Variants in PLEKHH2 observed in about 807,000 individuals in gnomAD.
PLEKHH2 encodes the protein pleckstrin homology, MyTH4 and FERM domain containing H2.
Under a neutral mutation model 187.9 loss-of-function variants are expected in PLEKHH2, and 129 were observed. The observed-to-expected ratio is 0.69, with a 90% confidence interval of 0.59 to 0.79. The LOEUF (loss-of-function observed/expected upper bound fraction) is 0.79, where lower values mean the gene tolerates loss of function less well. PLEKHH2 is among the 30% of genes least tolerant of loss of function. PLEKHH2 has a pLI of 0.00. For synonymous variants in PLEKHH2, 686 were observed against 605.6 expected, an observed-to-expected ratio of 1.13 and a Z score of -1.95; for missense variants, 2,076 against 1,751.2, an observed-to-expected ratio of 1.19 and a Z score of -3.31.
chr2:43,718,654 A>G (rs910798807), intron 15 of PLEKHH2, among the ~76,000 whole-genome samples: 3 of 152,142 alleles, frequency 2.0e-5, no homozygotes, highest in African/African-American at 7.2e-5. Context: ...GAAGGCATAC[A>G]TTGTTCTCTT....
intron 3 of PLEKHH2, chr2:43,681,094 C>A: frequency 9.2e-7 from 1 of 1,084,452 alleles, no homozygotes; most frequent in South Asian, 1.4e-5. Context: ...GAATGCCAAC[C>A]AACTCCAGAA....
rs746438128 is a variant in PLEKHH2, at chr2:43,694,369, T to TA, written c.337-58dup. On this transcript the variant is annotated intron_variant, in intron 4 of 29. Transcript: ENST00000282406. ...GTGGATATGCCTTGTATATTTATGG[T>TA]AAAACATTTCCAGACCATTGAGTTT... 4 of 1,481,512 alleles carry TA rather than the reference T, an allele frequency of 2.7e-6. No individual in the cohort carries two copies. In the African/African-American group the frequency reaches 5.7e-5, roughly 21 times the overall value. The allele number at this position is 1,481,512 out of a possible 1,614,324, so 91.8% of individuals were successfully genotyped here. A position where few individuals can be genotyped will look rare whatever the true frequency, so the allele number is the denominator to read the frequency against.
chr2:43,648,487 T>G (rs945836774), intron 2 of PLEKHH2, among the ~76,000 whole-genome samples: 1 of 151,472 alleles, frequency 6.6e-6, no homozygotes, highest in Non-Finnish European at 1.5e-5. Flanking sequence ...GTGCCCAGCT[T>G]TTTTTCCTGT....
intron 3 of PLEKHH2, among the ~76,000 whole-genome samples, chr2:43,682,548 G>GC (rs201502298): frequency 0.01 from 1,565 of 152,158 alleles, 23 homozygotes; most frequent in African/African-American, 0.035. Flanking sequence ...CTTGTGATTT[G>GC]CCCCCCTTGG....
At chr2:43,763,133 G>A (rs1243564962) in intron 28 of PLEKHH2, among the ~76,000 whole-genome samples, 3 of 151,976 alleles carry the variant, frequency 2.0e-5, no homozygotes, top group Non-Finnish European at 4.4e-5. Flanking sequence ...TATTTTCTGA[G>A]TGCCTTTTAG....
At chr2:43,704,203 G>A in intron 9 of PLEKHH2, 147 bp downstream of exon 9, 1 of 577,026 alleles carries the variant, frequency 1.7e-6, no homozygotes, top group South Asian at 3.0e-5. Context: ...CAAATTCATA[G>A]GAATAGAAAG....
At chr2:43,656,328 G>T (rs1316477512) in intron 2 of PLEKHH2, among the ~76,000 whole-genome samples, 2 of 151,890 alleles carry the variant, frequency 1.3e-5, no homozygotes, top group Non-Finnish European at 2.9e-5. Flanking sequence ...ATTTATTTTT[G>T]GTATATGTTT....
chr2:43,760,780 T>G (rs1403332616), intron 27 of PLEKHH2, among the ~76,000 whole-genome samples: 1 of 152,200 alleles, frequency 6.6e-6, no homozygotes, highest in Non-Finnish European at 1.5e-5. Context: ...AAACTGTACC[T>G]AACTCCCCAG....
In PLEKHH2 at chr2:43,700,227, C is replaced by T. The variant is rs768115984; in HGVS notation, c.1269C>T (p.Leu423=). The part of the protein sequence containing the change: ...PALMPKHPNS[L]SGKGTQLVPS... ...TAATGCCAAAGCATCCTAACTCACT[C>T]TCTGGAAAAGGAACACAATTAGTGC... Residue 423 remains leucine, a synonymous_variant, in exon 8 of 30, where the codon CTC becomes CTT. Coordinates refer to ENST00000282406, the MANE Select transcript of PLEKHH2 (RefSeq NM_172069.4). The T allele has an allele frequency of 6.2e-7, 1 of 1,614,182 alleles. No individual in the cohort carries two copies. The highest frequency in any genetic ancestry group is 1.1e-5 in the South Asian group (1 of 91,078).
intron 2 of PLEKHH2, among the ~76,000 whole-genome samples, chr2:43,650,323 G>A (rs181256417): frequency 1.4e-3 from 218 of 151,512 alleles, no homozygotes; most frequent in African/African-American, 5.0e-3. Context: ...AGTAGAGATG[G>A]GGTTTCACCA....
chr2:43,679,002 C>G, intron 3 of PLEKHH2, 77 bp downstream of exon 3: 1 of 931,514 alleles, frequency 1.1e-6, no homozygotes, highest in Non-Finnish European at 1.7e-6. Context: ...AATGGAAAGA[C>G]AATTATCAGC....
chr2:43,699,240 A>G (rs1669237543), intron 7 of PLEKHH2, among the ~76,000 whole-genome samples: 1 of 151,872 alleles, frequency 6.6e-6, no homozygotes, highest in African/African-American at 2.4e-5. Context: ...TTTTGTAAAA[A>G]CCAATTTGGA....
intron 2 of PLEKHH2, chr2:43,675,984 A>G (rs2104414635): frequency 6.2e-7 from 1 of 1,614,024 alleles, no homozygotes; most frequent in Non-Finnish European, 8.5e-7. Flanking sequence ...ACCTGTCATT[A>G]CTTTCTATAT....
At position 43,765,203 on chromosome 2, in the gene PLEKHH2, A is replaced by G. The variant is rs115842345; in HGVS notation, c.4297-210A>G. Reference sequence around the variant, plus strand: ...CTCAATTTGATTGTTTTTGAGATTCACTCTTTCTGCTGGTTTAAGTAATGA... The same window carrying G: ...CTCAATTTGATTGTTTTTGAGATTCGCTCTTTCTGCTGGTTTAAGTAATGA... On this transcript the variant is annotated intron_variant, in intron 29 of 29. Coordinates refer to ENST00000282406, the MANE Select transcript of PLEKHH2 (RefSeq NM_172069.4). 6.1e-3 allele frequency among the ~76,000 whole-genome samples: 934 copies of G among 152,108 alleles called. 17 individuals carry two copies. Among genetic ancestry groups the G allele is most frequent in the African/African-American group, 0.021 (883 of 41,472 alleles).
At chr2:43,690,564 C>G (rs10193981) in intron 3 of PLEKHH2, among the ~76,000 whole-genome samples, 1 of 151,996 alleles carries the variant, frequency 6.6e-6, no homozygotes, top group South Asian at 2.1e-4. Flanking sequence ...GTAAGGATTC[C>G]TTTTGACTTT....
chr2:43,722,247 C>A (rs1266278279), intron 16 of PLEKHH2, among the ~76,000 whole-genome samples: 2 of 130,990 alleles, frequency 1.5e-5, no homozygotes, highest in Admixed American at 1.6e-4. Flanking sequence ...CAGAGTGAGA[C>A]CCTATCTCAA....
At chr2:43,676,058 C>G (rs755860074) in intron 2 of PLEKHH2, 2 of 1,613,956 alleles carry the variant, frequency 1.2e-6, no homozygotes, top group Non-Finnish European at 1.7e-6. Context: ...GTCCAGGTCT[C>G]TTTCAGTACA....
chr2:43,681,619 C>G (rs546317096), intron 3 of PLEKHH2: 1 of 700,606 alleles, frequency 1.4e-6, no homozygotes, highest in African/African-American at 1.8e-5. Context: ...CACGATATGA[C>G]ACAATATGCA....
At chr2:43,637,442 C>T (rs1703157807) in intron 1 of PLEKHH2, 63 bp downstream of exon 1, 2 of 152,392 alleles carry the variant, frequency 1.3e-5, no homozygotes, top group African/African-American at 4.8e-5. Context: ...TCCCCGCCCC[C>T]TTGAGGGCGC....
Sources: gnomAD v4.1 joint callset for allele counts (sites outside exome capture counted in the v4.1 genomes callset) on GRCh38, gnomAD v4.1.1 for gene constraint, MANE v1.5 for transcripts, NCBI Gene and HGNC (gene_info 2026-07-23, HGNC 2026-07-21) for gene names.